CNTN4: variants seen among roughly 807,000 people sequenced by gnomAD.
CNTN4 encodes contactin-4.
A neutral mutation model predicts 122.5 loss-of-function variants in CNTN4; 77 were observed. The ratio of observed to expected loss-of-function variants is 0.63; its 90% CI spans 0.52 to 0.76. The LOEUF is 0.76. Among genes scored for constraint, CNTN4 ranks in the 30% least tolerant of loss-of-function variants. The probability of loss-of-function intolerance (pLI) is 0.00; values close to 1 mark genes in which losing one functional copy is unlikely to be tolerated. For missense variants in CNTN4, 1,256 were observed against 1,259.1 expected (o/e 1.00, Z 0.04); for synonymous variants, 512 against 447.0 (o/e 1.15, Z -1.83).
At position 2,883,224 on chromosome 3, in the gene CNTN4, G is replaced by A. The variant is rs772972366; in HGVS notation, c.732G>A (p.Lys244=). The change falls in exon 9 of 25, where the codon AAG becomes AAA. Residue 244 remains lysine, a synonymous_variant. Transcript: ENST00000418658. Reference sequence around the variant, plus strand: ...CGACTGCAAAAGGAGCAACGGTGAAGCTGGAATGCTTTGCTTTAGGAAAGT... The same window carrying A: ...CGACTGCAAAAGGAGCAACGGTGAAACTGGAATGCTTTGCTTTAGGAAAGT... The part of the protein sequence containing the change: ...TVPTAKGATV[K]LECFALGNPV... The A allele has an allele frequency of 6.2e-7, 1 of 1,613,668 alleles. No individual in the cohort carries two copies. Among genetic ancestry groups the A allele is most frequent in the Non-Finnish European group, 8.5e-7 (1 of 1,179,754 alleles).
At chr3:2,434,300 A>T (rs2151226337) in intron 3 of CNTN4, among the ~76,000 whole-genome samples, 1 of 152,322 alleles carries the variant, frequency 6.6e-6, no homozygotes, top group South Asian at 2.1e-4. Flanking sequence ...TACAAATAAA[A>T]TTTAAAAGAA....
In CNTN4 at chr3:2,541,347, T is replaced by C. The variant is rs74692316; in HGVS notation, c.-88-30069T>C. On this transcript the variant is annotated intron_variant, in intron 3 of 24. Transcript: ENST00000418658. ...CAATATTAAAGCATATAGTCGTTTA[T>C]GTATTCAATACTTTTCTATGCCAAC... 6.2e-3 allele frequency among the ~76,000 whole-genome samples: 937 copies of C among 152,270 alleles called. 5 individuals are homozygous for C. The highest frequency in any genetic ancestry group is 9.8e-3 in the Non-Finnish European group (664 of 68,002).
intron 3 of CNTN4, among the ~76,000 whole-genome samples, chr3:2,565,556 T>C (rs2079121931): frequency 6.6e-6 from 1 of 152,202 alleles, no homozygotes; most frequent in African/African-American, 2.4e-5. Context: ...ATATAAACTA[T>C]ATCTTGTATG....
chr3:2,528,747 T>G (rs1436403782), intron 3 of CNTN4, among the ~76,000 whole-genome samples: 1 of 152,096 alleles, frequency 6.6e-6, no homozygotes, highest in Non-Finnish European at 1.5e-5. Context: ...TTTAAAAAAC[T>G]CTTAATACTC....
intron 4 of CNTN4, among the ~76,000 whole-genome samples, chr3:2,616,661 A>C (rs1576231605): frequency 6.6e-6 from 1 of 152,258 alleles, no homozygotes; most frequent in East Asian, 1.9e-4. Flanking sequence ...ACTTTTTAAT[A>C]ATCGCCATTC....
chr3:2,160,752 C>T lies in CNTN4; in HGVS notation c.-145+60113C>T, dbSNP rs750814614. Reference sequence around the variant, plus strand: ...CTGTTGTCATTTGTTGACTGTTTCTCAGATGGTTCAGGAATGTATACGGTG... The same window carrying T: ...CTGTTGTCATTTGTTGACTGTTTCTTAGATGGTTCAGGAATGTATACGGTG... On this transcript the variant is annotated intron_variant, in intron 2 of 24. Transcript: ENST00000418658. Among the ~76,000 whole-genome samples, 5 of 152,246 alleles carry T rather than the reference C, an allele frequency of 3.3e-5. No homozygotes were observed. The South Asian group carries it at 6.2e-4, about 19-fold the overall frequency.
At chr3:2,251,696 T>C (rs141697231) in intron 2 of CNTN4, among the ~76,000 whole-genome samples, 128 of 152,024 alleles carry the variant, frequency 8.4e-4, no homozygotes, top group African/African-American at 2.9e-3. Flanking sequence ...AAAAACAAGA[T>C]GTTCTATTTT....
chr3:2,326,414 C>A (rs190503968), intron 2 of CNTN4, among the ~76,000 whole-genome samples: 4 of 152,084 alleles, frequency 2.6e-5, no homozygotes, highest in Admixed American at 2.6e-4. Context: ...CTCTAACTTG[C>A]TGACTCACCC....
chr3:2,942,264 A>G lies in CNTN4; in HGVS notation c.1358+16485A>G, dbSNP rs6787320. 0.81 allele frequency among the ~76,000 whole-genome samples: 123,914 copies of G among 152,124 alleles called. 50,694 individuals carry two copies. The highest frequency in any genetic ancestry group is 0.93 in the Middle Eastern group (273 of 294). On this transcript the variant is annotated intron_variant, in intron 13 of 24. Transcript: ENST00000418658. Reference sequence around the variant, plus strand: ...AAAGATAAAAGTAAGTAATTTAGGGAGTTGGAATAATGGAGAATTGTCAGT... The same window carrying G: ...AAAGATAAAAGTAAGTAATTTAGGGGGTTGGAATAATGGAGAATTGTCAGT...
chr3:2,116,520 G>T (rs2033364165), intron 2 of CNTN4, among the ~76,000 whole-genome samples: 1 of 152,138 alleles, frequency 6.6e-6, no homozygotes, highest in South Asian at 2.1e-4. Context: ...AACTGTAGTT[G>T]AATAGGCTCC....
chr3:2,561,571 C>G (rs1029635573), intron 3 of CNTN4, among the ~76,000 whole-genome samples: 1 of 152,088 alleles, frequency 6.6e-6, no homozygotes, highest in Admixed American at 6.5e-5. Context: ...CTGCTTGCCC[C>G]TCTTGTTTTT....
At chr3:2,190,077 T>C in intron 2 of CNTN4, among the ~76,000 whole-genome samples, 1 of 152,206 alleles carries the variant, frequency 6.6e-6, no homozygotes, top group Non-Finnish European at 1.5e-5. Context: ...GAATCAGTGT[T>C]TGGGATTCTA....
chr3:2,777,981 G>A (rs910704065), intron 6 of CNTN4, among the ~76,000 whole-genome samples: 56 of 152,082 alleles, frequency 3.7e-4, no homozygotes, highest in Middle Eastern at 3.4e-3. Flanking sequence ...TTGGGAGGCC[G>A]AGGTGGGCGG....
At chr3:2,832,892 A>G (rs2093133996) in intron 7 of CNTN4, among the ~76,000 whole-genome samples, 1 of 152,248 alleles carries the variant, frequency 6.6e-6, no homozygotes, top group Non-Finnish European at 1.5e-5. Context: ...GCTGGGATAG[A>G]ATTACAACCG....
At chr3:2,936,190 C>T (rs536790095) in intron 13 of CNTN4, among the ~76,000 whole-genome samples, 20 of 152,198 alleles carry the variant, frequency 1.3e-4, no homozygotes, top group African/African-American at 3.9e-4. Flanking sequence ...TAGTGTCTGC[C>T]GTGACTTACC....
intron 2 of CNTN4, among the ~76,000 whole-genome samples, chr3:2,210,383 C>T (rs1339594270): frequency 6.6e-6 from 1 of 152,124 alleles, no homozygotes; most frequent in Non-Finnish European, 1.5e-5. Flanking sequence ...CACGCTGCAC[C>T]ATTCCCAATG....
At chr3:2,889,227 G>A (rs183200405) in intron 10 of CNTN4, among the ~76,000 whole-genome samples, 28 of 152,276 alleles carry the variant, frequency 1.8e-4, no homozygotes, top group Non-Finnish European at 2.8e-4. Context: ...TTCCCCTGAT[G>A]CAGCTTCTGA....
chr3:2,104,390 T>C (rs1278090801), intron 2 of CNTN4, among the ~76,000 whole-genome samples: 2 of 152,216 alleles, frequency 1.3e-5, no homozygotes, highest in Non-Finnish European at 2.9e-5. Context: ...CTCTTAATTT[T>C]CAGTGACTTA....
intron 2 of CNTN4, among the ~76,000 whole-genome samples, chr3:2,295,977 C>T (rs1255867992): frequency 6.6e-6 from 1 of 152,116 alleles, no homozygotes; most frequent in Non-Finnish European, 1.5e-5. Flanking sequence ...TGTCAAAGAT[C>T]AGATAGTTGT....
Sources: gnomAD v4.1 joint callset for allele counts (sites outside exome capture counted in the v4.1 genomes callset) on GRCh38, gnomAD v4.1.1 for gene constraint, MANE v1.5 for transcripts, NCBI Gene and HGNC (gene_info 2026-07-23, HGNC 2026-07-21) for gene names.